CLIC4: variants seen among roughly 807,000 people sequenced by gnomAD.
CLIC4 encodes the protein CLIC family member 4.
A neutral mutation model predicts 24.6 loss-of-function variants in CLIC4; 13 were observed. That is an observed-to-expected ratio of 0.53 (90% CI 0.34 to 0.84). The LOEUF (loss-of-function observed/expected upper bound fraction) is 0.84. Among genes scored for constraint, CLIC4 ranks in the 40% least tolerant of loss-of-function variants. CLIC4 has a pLI of 0.01. For missense variants in CLIC4, 227 were observed against 301.7 expected (o/e 0.75, Z 1.83); for synonymous variants, 104 against 111.3 (o/e 0.93, Z 0.41).
intron 1 of CLIC4, among the ~76,000 whole-genome samples, chr1:24,766,441 T>TA (rs1325460612): frequency 1.5e-4 from 23 of 150,780 alleles, no homozygotes; most frequent in Admixed American, 1.4e-3. Context: ...TTCTTTTTTT[T>TA]AGATATCAGG....
chr1:24,781,799 C>T (rs963484929), intron 1 of CLIC4, among the ~76,000 whole-genome samples: 28 of 151,700 alleles, frequency 1.8e-4, no homozygotes, highest in African/African-American at 6.5e-4. Context: ...TACAGGTGCC[C>T]GCCACCACGC....
At chr1:24,779,881 G>A (rs1639182576) in intron 1 of CLIC4, among the ~76,000 whole-genome samples, 2 of 152,162 alleles carry the variant, frequency 1.3e-5, no homozygotes, top group Non-Finnish European at 2.9e-5. Flanking sequence ...AGGCCACCCA[G>A]CTTCAATTCT....
chr1:24,821,949 G>A (rs1412934671), intron 3 of CLIC4, among the ~76,000 whole-genome samples: 2 of 152,084 alleles, frequency 1.3e-5, no homozygotes, highest in African/African-American at 4.8e-5. Flanking sequence ...TACTAATTAT[G>A]CACCATGCAT....
chr1:24,780,992 C>G (rs1395045056), intron 1 of CLIC4, among the ~76,000 whole-genome samples: 2 of 146,694 alleles, frequency 1.4e-5, no homozygotes, highest in African/African-American at 5.1e-5. Flanking sequence ...GAGGCTAAGG[C>G]AGGAAAATCG....
At chr1:24,770,565 A>G (rs916454465) in intron 1 of CLIC4, among the ~76,000 whole-genome samples, 3 of 152,200 alleles carry the variant, frequency 2.0e-5, no homozygotes, top group South Asian at 4.1e-4. Context: ...TAAAAAAAGA[A>G]TAAAAAAATT....
At chr1:24,746,938 A>G (rs575746681) in intron 1 of CLIC4, among the ~76,000 whole-genome samples, 2 of 152,188 alleles carry the variant, frequency 1.3e-5, no homozygotes, top group Non-Finnish European at 2.9e-5. Flanking sequence ...GCAGTGAGCC[A>G]CGTCGCACCA....
At chr1:24,752,634 G>A (rs1424814934) in intron 1 of CLIC4, among the ~76,000 whole-genome samples, 1 of 152,252 alleles carries the variant, frequency 6.6e-6, no homozygotes, top group Non-Finnish European at 1.5e-5. Context: ...GCTGGCAAGT[G>A]TGGTCTAACC....
intron 1 of CLIC4, among the ~76,000 whole-genome samples, chr1:24,795,550 A>T (rs1469247091): frequency 2.8e-5 from 4 of 141,992 alleles, no homozygotes; most frequent in African/African-American, 5.0e-5. Flanking sequence ...AAAAAAAAAT[A>T]AAAAAAAAAC....
chr1:24,805,097 AAAAAAAAAC>A (rs1557807932), intron 2 of CLIC4, among the ~76,000 whole-genome samples: 1 of 143,484 alleles, frequency 7.0e-6, no homozygotes, highest in Non-Finnish European at 1.5e-5. Context: ...AAAAAAAAAA[AAAAAAAAAC>A]ACAAAAACAA....
intron 1 of CLIC4, among the ~76,000 whole-genome samples, chr1:24,764,428 T>C (rs920421014): frequency 6.6e-6 from 1 of 150,410 alleles, no homozygotes; most frequent in Admixed American, 6.6e-5. Flanking sequence ...CCCAGCACTT[T>C]GGGAGGCGAG....
chr1:24,747,261 C>T (rs1230153867), intron 1 of CLIC4, among the ~76,000 whole-genome samples: 1 of 151,626 alleles, frequency 6.6e-6, no homozygotes, highest in African/African-American at 2.4e-5. Context: ...GGAGGCCGGG[C>T]GCGGTGGCTC....
chr1:24,809,350 G>A (rs773229627), intron 2 of CLIC4, among the ~76,000 whole-genome samples: 1 of 152,156 alleles, frequency 6.6e-6, no homozygotes, highest in Non-Finnish European at 1.5e-5. Context: ...GAAAGATGGA[G>A]CCAGAGAGAG....
chr1:24,764,336 G>A (rs1224049109), intron 1 of CLIC4, among the ~76,000 whole-genome samples: 2 of 151,816 alleles, frequency 1.3e-5, no homozygotes, highest in African/African-American at 2.4e-5. Context: ...CCAACCTCAG[G>A]TGATCCACCT....
rs964475246 is a variant in CLIC4 at position 24,842,395 on chromosome 1, G to A, written c.*1458G>A. 2.6e-5 allele frequency: 4 copies of A among 152,064 alleles called. No homozygotes were observed. Among genetic ancestry groups the A allele is most frequent in the African/African-American group, 9.7e-5 (4 of 41,410 alleles). The allele number at this position is 152,064 out of a possible 1,614,324, so 9.4% of individuals were successfully genotyped here. ...TGATTGTGACTATAATACATTTTTG[G>A]TAATTTTTTTATACCTAATTTGTAT... On this transcript the variant is annotated 3_prime_UTR_variant, in exon 6 of 6. Transcript: ENST00000374379.
chr1:24,824,578 A>G (rs1351554037), intron 3 of CLIC4, among the ~76,000 whole-genome samples: 3 of 152,168 alleles, frequency 2.0e-5, no homozygotes, highest in Admixed American at 6.5e-5. Flanking sequence ...TCGTTTGTCA[A>G]TACTTTTAAT....
intron 3 of CLIC4, among the ~76,000 whole-genome samples, chr1:24,820,096 T>TATATATATATATATATAC (rs1557812358): frequency 3.6e-5 from 4 of 109,900 alleles, no homozygotes; most frequent in African/African-American, 1.3e-4. Context: ...TATATATATA[T>TATATATATATATATATAC]AGACAGTATC....
At chr1:24,840,440 G>T (rs1231135399) in intron 5 of CLIC4, among the ~76,000 whole-genome samples, 1 of 152,128 alleles carries the variant, frequency 6.6e-6, no homozygotes, top group Non-Finnish European at 1.5e-5. Context: ...AATAATAAGC[G>T]CTAGTTGTAA....
At chr1:24,758,009 T>C (rs570555599) in intron 1 of CLIC4, among the ~76,000 whole-genome samples, 2 of 152,252 alleles carry the variant, frequency 1.3e-5, no homozygotes, top group African/African-American at 4.8e-5. Context: ...TTCTCCCACC[T>C]CAGCCTCTCA....
chr1:24,783,092 C>T (rs1639224572), intron 1 of CLIC4, among the ~76,000 whole-genome samples: 1 of 152,190 alleles, frequency 6.6e-6, no homozygotes, highest in Non-Finnish European at 1.5e-5. Context: ...CTCTTTCTCT[C>T]ATAAGTTGCA....
Sources: gnomAD v4.1 joint callset for allele counts (sites outside exome capture counted in the v4.1 genomes callset) on GRCh38, gnomAD v4.1.1 for gene constraint, MANE v1.5 for transcripts, NCBI Gene and HGNC (gene_info 2026-07-23, HGNC 2026-07-21) for gene names.